CSMD1: variants seen among roughly 807,000 people sequenced by gnomAD.
CSMD1 encodes the protein CUB and sushi domain-containing protein 1.
CSMD1 carries 213 observed loss-of-function variants against 417.5 expected under a neutral mutation model. The ratio of observed to expected loss-of-function variants is 0.51; its 90% CI spans 0.46 to 0.57. The LOEUF (loss-of-function observed/expected upper bound fraction) is 0.57. Among genes scored for constraint, CSMD1 ranks in the 20% least tolerant of loss-of-function variants. The probability of loss-of-function intolerance (pLI) is 0.00; values close to 1 mark genes in which losing one functional copy is unlikely to be tolerated. For missense variants in CSMD1, 6,923 were observed against 4,529.7 expected (o/e 1.53, Z -15.17); for synonymous variants, 2,862 against 1,736.8 (o/e 1.65, Z -16.11).
chr8:4,870,114 TTATA>T (rs769128209), intron 1 of CSMD1, among the ~76,000 whole-genome samples: 27 of 152,134 alleles, frequency 1.8e-4, no homozygotes, highest in Non-Finnish European at 2.5e-4. Context: ...CTTGATTTAT[TTATA>T]TTCAGTTAAT....
At chr8:4,337,716 G>A (rs541439162) in intron 3 of CSMD1, among the ~76,000 whole-genome samples, 2 of 152,238 alleles carry the variant, frequency 1.3e-5, no homozygotes, top group South Asian at 4.1e-4. Context: ...GTACACTCAA[G>A]TATTTGCCAT....
intron 5 of CSMD1, among the ~76,000 whole-genome samples, chr8:3,925,419 A>C (rs764479452): frequency 1.3e-5 from 2 of 152,214 alleles, no homozygotes; most frequent in Non-Finnish European, 2.9e-5. Flanking sequence ...GATGAAAGAA[A>C]TAATATTTAA....
intron 3 of CSMD1, among the ~76,000 whole-genome samples, chr8:4,180,172 C>G (rs1190458257): frequency 6.6e-6 from 1 of 151,940 alleles, no homozygotes; most frequent in Non-Finnish European, 1.5e-5. Context: ...GACTTGGAAC[C>G]AACCCAAATG....
chr8:3,091,758 T>A, intron 47 of CSMD1, 96 bp from the exon 48 acceptor site: 2 of 1,004,304 alleles, frequency 2.0e-6, no homozygotes, highest in South Asian at 1.7e-5. Context: ...AGTCTACGTG[T>A]GCAATACACA....
At chr8:4,722,720 T>G (rs553286936) in intron 1 of CSMD1, among the ~76,000 whole-genome samples, 2 of 152,292 alleles carry the variant, frequency 1.3e-5, no homozygotes, top group East Asian at 3.9e-4. Context: ...CAGCTGATTT[T>G]TACGGAAAGA....
At chr8:3,844,867 A>T (rs745421852) in intron 5 of CSMD1, among the ~76,000 whole-genome samples, 1 of 152,190 alleles carries the variant, frequency 6.6e-6, no homozygotes, top group Non-Finnish European at 1.5e-5. Context: ...TTAAAATTTA[A>T]AACTAAAGTT....
At chr8:4,849,900 A>C (rs572886637) in intron 1 of CSMD1, among the ~76,000 whole-genome samples, 73 of 152,282 alleles carry the variant, frequency 4.8e-4, no homozygotes, top group African/African-American at 1.7e-3. Context: ...TAGAAATGGC[A>C]TTTCTCGATT....
intron 7 of CSMD1, among the ~76,000 whole-genome samples, chr8:3,663,716 C>T (rs570201078): frequency 1.3e-5 from 2 of 152,248 alleles, no homozygotes; most frequent in African/African-American, 4.8e-5. Flanking sequence ...CCGTTCTGCC[C>T]GCCTTTGCTT....
At chr8:2,950,417 G>A (rs1802550879) in intron 66 of CSMD1, 74 bp from the exon 67 acceptor site, 1 of 861,222 alleles carries the variant, frequency 1.2e-6, no homozygotes, top group Non-Finnish European at 2.0e-6. Context: ...ATTTGATGTG[G>A]AATGTGGTAC....
At chr8:4,209,974 A>T (rs1406826445) in intron 3 of CSMD1, among the ~76,000 whole-genome samples, 1 of 152,092 alleles carries the variant, frequency 6.6e-6, no homozygotes, top group African/African-American at 2.4e-5. Flanking sequence ...ACACTGGAGG[A>T]GGTGTCTTAT....
intron 1 of CSMD1, among the ~76,000 whole-genome samples, chr8:4,645,834 G>C (rs73190803): frequency 0.032 from 4,819 of 152,150 alleles, 119 homozygotes; most frequent in Non-Finnish European, 0.05. Context: ...TCTTCACAGG[G>C]AGGCTTCATG....
chr8:4,113,634 G>A (rs1409535319), intron 3 of CSMD1, among the ~76,000 whole-genome samples: 3 of 151,996 alleles, frequency 2.0e-5, no homozygotes, highest in Non-Finnish European at 4.4e-5. Flanking sequence ...TTGAACTCCT[G>A]ACCTCCTGAT....
chr8:4,390,497 T>TTTTATTTATTTATTTATTTATTTATTTA (rs142679522), intron 3 of CSMD1, among the ~76,000 whole-genome samples: 79 of 140,362 alleles, frequency 5.6e-4, no homozygotes, highest in Admixed American at 1.4e-3. Flanking sequence ...AAGCGTCCAT[T>TTTTATTTATTTATTTATTTATTTATTTA]TTTATTTATT....
chr8:3,638,985 G>A (rs1483547268), intron 7 of CSMD1, among the ~76,000 whole-genome samples: 1 of 152,190 alleles, frequency 6.6e-6, no homozygotes, highest in African/African-American at 2.4e-5. Flanking sequence ...GAAAGGCAGT[G>A]TTGCATTCTT....
chr8:3,442,470 C>T (rs1034921141), intron 12 of CSMD1, among the ~76,000 whole-genome samples: 1 of 152,122 alleles, frequency 6.6e-6, no homozygotes, highest in Non-Finnish European at 1.5e-5. Flanking sequence ...TTTTACTGTA[C>T]CTTTTGTATG....
At position 3,192,078 on chromosome 8, in the gene CSMD1, A is replaced by G. The variant is rs555920146; in HGVS notation, c.5195-1963T>C. 1.2e-4 allele frequency among the ~76,000 whole-genome samples: 18 copies of G among 152,312 alleles called. 1 individual carries two copies. In the South Asian group the frequency reaches 3.7e-3, roughly 32 times the overall value. On this transcript the variant is annotated intron_variant, in intron 33 of 69. Transcript: ENST00000635120. Reference sequence around the variant, plus strand: ...TGCTGCTGGGGAAGCAGTTCCATGAAAACGGAAATTGGCAGATTATTTTGA... The same window carrying G: ...TGCTGCTGGGGAAGCAGTTCCATGAGAACGGAAATTGGCAGATTATTTTGA...
intron 3 of CSMD1, among the ~76,000 whole-genome samples, chr8:4,055,760 A>G (rs978131107): frequency 3.9e-5 from 6 of 152,156 alleles, no homozygotes; most frequent in Non-Finnish European, 5.9e-5. Flanking sequence ...ACTTGACTAG[A>G]TACTGTATAA....
chr8:3,531,692 C>T (rs911873555), intron 10 of CSMD1, among the ~76,000 whole-genome samples: 1 of 152,170 alleles, frequency 6.6e-6, no homozygotes, highest in African/African-American at 2.4e-5. Flanking sequence ...GGCAAAGAGT[C>T]CTCAGCAGAA....
At chr8:3,996,724 G>C (rs1181832880) in intron 5 of CSMD1, among the ~76,000 whole-genome samples, 1 of 152,024 alleles carries the variant, frequency 6.6e-6, no homozygotes, top group Admixed American at 6.5e-5. Context: ...AGACAATCTA[G>C]GTAGAATTTG....
Sources: gnomAD v4.1 joint callset for allele counts (sites outside exome capture counted in the v4.1 genomes callset) on GRCh38, gnomAD v4.1.1 for gene constraint, MANE v1.5 for transcripts, NCBI Gene and HGNC (gene_info 2026-07-23, HGNC 2026-07-21) for gene names.